Variants in AAK1 observed in about 807,000 individuals in gnomAD.
AAK1 encodes the protein AP2-associated protein kinase 1.
AAK1 carries 37 observed loss-of-function variants against 116.0 expected under a neutral mutation model. The observed-to-expected ratio is 0.32, with a 90% CI of 0.25 to 0.42. The LOEUF (loss-of-function observed/expected upper bound fraction) is 0.42. Among genes scored for constraint, AAK1 ranks in the 10% least tolerant of loss-of-function variants. AAK1 has a pLI of 1.00. For synonymous variants in AAK1, 458 were observed against 439.9 expected, an observed-to-expected ratio of 1.04 and a Z score of -0.51; for missense variants, 919 against 1,170.6, an observed-to-expected ratio of 0.79 and a Z score of 3.14.
At chr2:69,587,325 A>G (rs1672815769) in intron 2 of AAK1, among the ~76,000 whole-genome samples, 1 of 149,856 alleles carries the variant, frequency 6.7e-6, no homozygotes, top group African/African-American at 2.5e-5. Context: ...ACGCACATAT[A>G]TACACATATG....
At chr2:69,534,674 G>C (rs1226842753) in intron 5 of AAK1, among the ~76,000 whole-genome samples, 2 of 152,234 alleles carry the variant, frequency 1.3e-5, no homozygotes. Context: ...CAATAGCAGA[G>C]GCTGCCAAAG....
intron 2 of AAK1, among the ~76,000 whole-genome samples, chr2:69,635,788 G>A (rs142852633): frequency 1.3e-5 from 2 of 152,302 alleles, no homozygotes; most frequent in Non-Finnish European, 2.9e-5. Flanking sequence ...CTAGAGAGAG[G>A]TGGGAATGAG....
At chr2:69,509,484 T>C in intron 13 of AAK1, 24 bp from the exon 14 acceptor site, 1 of 1,564,790 alleles carries the variant, frequency 6.4e-7, no homozygotes, top group Non-Finnish European at 8.6e-7. Flanking sequence ...AGACGGAAAG[T>C]GTTTCATTAA....
Position 69,496,091 on chromosome 2 carries a change from G to T in AAK1, c.2270-11C>A, listed in dbSNP as rs61437905. On this transcript the variant is annotated splice_polypyrimidine_tract_variant and intron_variant, in intron 16 of 21. Transcript: ENST00000409085. ...CCTTCCTTTTTTCAGCTGGAGTTAGGTTGGAGGGGAAGGAGGAGTCAGGAG... is the reference window on the plus strand; with the variant it reads ...CCTTCCTTTTTTCAGCTGGAGTTAGTTTGGAGGGGAAGGAGGAGTCAGGAG... 5.6e-3 allele frequency: 8,690 copies of T among 1,549,406 alleles called. 408 individuals are homozygous for T. The African/African-American group carries it at 0.1, about 19-fold the overall frequency.
Position 69,468,022 on chromosome 2 carries a change from T to G in AAK1, c.*7847A>C, listed in dbSNP as rs1444644826. On this transcript the variant is annotated 3_prime_UTR_variant, in exon 22 of 22. Transcript: ENST00000409085. ...ATTTTTATTTTCCTTTCTAACAGTTTGAATGCGTTCAGTGAATTCCAGATT... is the reference window on the plus strand; with the variant it reads ...ATTTTTATTTTCCTTTCTAACAGTTGGAATGCGTTCAGTGAATTCCAGATT... 4.1e-6 allele frequency: 4 copies of G among 985,378 alleles called. No individual in the cohort carries two copies. The African/African-American group carries it at 7.0e-5, about 17-fold the overall frequency. 61.0% of individuals were successfully genotyped at this position (985,378 alleles called of 1,614,324 possible). A position where few individuals can be genotyped will look rare whatever the true frequency, so the allele number is the denominator to read the frequency against.
At position 69,471,522 on chromosome 2, in the gene AAK1, G is replaced by GT; in HGVS notation, c.*4346dup. On this transcript the variant is annotated 3_prime_UTR_variant, in exon 22 of 22. Coordinates refer to ENST00000409085, the MANE Select transcript of AAK1 (RefSeq NM_014911.5). ...TTCCATTCTAAATATTCATGTGATA[G>GT]TTTTTCTGTTCTGCCAGGCAGCCTC... The GT allele has an allele frequency of 1.0e-6, 1 of 985,384 alleles. No homozygotes were observed. Among genetic ancestry groups the GT allele is most frequent in the Middle Eastern group, 5.2e-4 (1 of 1,914 alleles). 61.0% of individuals were successfully genotyped at this position (985,384 alleles called of 1,614,324 possible). A position where few individuals can be genotyped will look rare whatever the true frequency, so the allele number is the denominator to read the frequency against.
intron 2 of AAK1, among the ~76,000 whole-genome samples, chr2:69,606,532 G>A (rs1212033024): frequency 6.6e-6 from 1 of 152,198 alleles, no homozygotes; most frequent in Non-Finnish European, 1.5e-5. Context: ...TAGGTCACTT[G>A]AAAACATTTT....
chr2:69,526,725 G>A (rs1253667025), intron 9 of AAK1, among the ~76,000 whole-genome samples: 1 of 152,228 alleles, frequency 6.6e-6, no homozygotes, highest in African/African-American at 2.4e-5. Context: ...TGATGTGCTG[G>A]AAGGACAGAG....
intron 18 of AAK1, 78 bp downstream of exon 18, chr2:69,482,633 G>T (rs777720973): frequency 2.5e-6 from 3 of 1,181,170 alleles, no homozygotes; most frequent in Admixed American, 1.9e-5. Context: ...CCCAGGGATT[G>T]GTTAACTAGG....
Position 69,505,796 on chromosome 2 carries a change from G to A in AAK1, c.2165-123C>T. ...ACTTGACTACTTTTACTGCATTATG[G>A]CGACACATTCAAAGGTCCTTGTCTA... On this transcript the variant is annotated intron_variant, in intron 15 of 21. Transcript: ENST00000409085. 4.9e-6 allele frequency: 3 copies of A among 608,908 alleles called. No individual in the cohort carries two copies. The South Asian group carries it at 6.5e-5, about 13-fold the overall frequency. The allele number at this position is 608,908 out of a possible 1,614,324, so 37.7% of individuals were successfully genotyped here. A position where few individuals can be genotyped will look rare whatever the true frequency, so the allele number is the denominator to read the frequency against.
chr2:69,505,532 C>T (rs186988564), intron 16 of AAK1, 37 bp downstream of exon 16: 1 of 1,566,682 alleles, frequency 6.4e-7, no homozygotes, highest in East Asian at 2.2e-5. Context: ...AAGGTAACAA[C>T]AGTGAACCTC....
chr2:69,632,706 G>A (rs926544141), intron 2 of AAK1, among the ~76,000 whole-genome samples: 6 of 152,156 alleles, frequency 3.9e-5, no homozygotes, highest in African/African-American at 1.4e-4. Context: ...AGACCATCCT[G>A]GCTAACATGG....
At chr2:69,642,515 A>C (rs78521178) in intron 2 of AAK1, among the ~76,000 whole-genome samples, 3,218 of 152,148 alleles carry the variant, frequency 0.021, 112 homozygotes, top group African/African-American at 0.073. Flanking sequence ...TTCAGCCTTC[A>C]CATCAAGATT....
chr2:69,505,133 ACC>A (rs71397331), intron 16 of AAK1, among the ~76,000 whole-genome samples: 12,278 of 110,944 alleles, frequency 0.11, 1,068 homozygotes, highest in East Asian at 0.27. Context: ...GCGCACACAC[ACC>A]CACACACACA....
rs962056704 is a variant in AAK1, at chr2:69,475,012, T to G, written c.*857A>C. 47 of 940,408 alleles carry G rather than the reference T, an allele frequency of 5.0e-5. No individual in the cohort carries two copies. The highest frequency in any genetic ancestry group is 1.2e-3 in the Middle Eastern group (2 of 1,694). 58.3% of individuals were successfully genotyped at this position (940,408 alleles called of 1,614,324 possible). ...CAGTGAAAAGTCTTCTAATAAAAGGTATCATATTACCACCGTCTTGTTTTG... is the reference window on the plus strand; with the variant it reads ...CAGTGAAAAGTCTTCTAATAAAAGGGATCATATTACCACCGTCTTGTTTTG... On this transcript the variant is annotated 3_prime_UTR_variant, in exon 22 of 22. Coordinates refer to ENST00000409085, the MANE Select transcript of AAK1 (RefSeq NM_014911.5).
rs551745403 is a variant in AAK1, at chr2:69,565,884, G to A, written c.164-8906C>T. 9.2e-5 allele frequency among the ~76,000 whole-genome samples: 14 copies of A among 151,896 alleles called. No homozygotes were observed. In the South Asian group the frequency reaches 2.9e-3, roughly 32 times the overall value. On this transcript the variant is annotated intron_variant, in intron 2 of 21. Coordinates refer to ENST00000409085, the MANE Select transcript of AAK1 (RefSeq NM_014911.5). ...AGTGAGAGCTTGCGTACACTATGCA[G>A]GTGGCAGAGTGTCCTCTCCACGGTG... is the stretch of plus-strand genomic sequence containing the variant.
At chr2:69,555,611 A>G (rs1671358979) in intron 3 of AAK1, among the ~76,000 whole-genome samples, 1 of 152,212 alleles carries the variant, frequency 6.6e-6, no homozygotes, top group Non-Finnish European at 1.5e-5. Context: ...ATCTGCTATT[A>G]CCATTATTCA....
intron 2 of AAK1, among the ~76,000 whole-genome samples, chr2:69,578,893 T>A (rs1268461082): frequency 6.8e-6 from 1 of 147,208 alleles, no homozygotes; most frequent in Non-Finnish European, 1.5e-5. Context: ...AAGCTCCACC[T>A]CCCGGGTTCA....
intron 2 of AAK1, among the ~76,000 whole-genome samples, chr2:69,572,584 A>G (rs989004187): frequency 4.8e-5 from 7 of 145,802 alleles, no homozygotes; most frequent in Non-Finnish European, 1.0e-4. Context: ...ATGCCACTGC[A>G]CTCCAGCCTG....
Sources: allele counts gnomAD v4.1 joint callset (sites outside exome capture counted in the v4.1 genomes callset), GRCh38; gene constraint gnomAD v4.1.1; transcripts MANE v1.5; gene names NCBI Gene and HGNC (gene_info 2026-07-23, HGNC 2026-07-21).